The following GPM6A variants were observed in gnomAD, a reference collection of about 807,000 sequenced individuals.
GPM6A encodes neuronal membrane glycoprotein M6-a.
GPM6A carries 7 observed loss-of-function variants against 32.1 expected under a neutral mutation model. The observed-to-expected ratio is 0.22, with a 90% CI of 0.12 to 0.41. The LOEUF (loss-of-function observed/expected upper bound fraction) is 0.41, where lower values mean the gene tolerates loss of function less well. Among genes scored for constraint, GPM6A ranks in the 10% least tolerant of loss-of-function variants. The probability of loss-of-function intolerance (pLI) is 1.00; values close to 1 mark genes in which losing one functional copy is unlikely to be tolerated. For missense variants in GPM6A, 235 were observed against 347.2 expected, an observed-to-expected ratio of 0.68 and a Z score of 2.57; for synonymous variants, 130 against 123.4, an observed-to-expected ratio of 1.05 and a Z score of -0.35.
chr4:175,964,488 T>G (rs1740273113), intron 1 of GPM6A, among the ~76,000 whole-genome samples: 1 of 152,234 alleles, frequency 6.6e-6, no homozygotes, highest in Non-Finnish European at 1.5e-5. Context: ...AAGTTCAAGA[T>G]CAAAGTGCCA....
chr4:175,974,643 C>T (rs990066503), intron 1 of GPM6A, among the ~76,000 whole-genome samples: 5 of 152,058 alleles, frequency 3.3e-5, no homozygotes, highest in Non-Finnish European at 1.5e-5. Flanking sequence ...CATAAGAATC[C>T]TATTTATGTC....
intron 1 of GPM6A, among the ~76,000 whole-genome samples, chr4:175,995,122 C>T (rs1741263209): frequency 6.6e-6 from 1 of 152,124 alleles, no homozygotes; most frequent in African/African-American, 2.4e-5. Context: ...GGCTTGAGCC[C>T]CTCAAGGTTA....
At chr4:175,696,442 T>C (rs994986806) in intron 2 of GPM6A, among the ~76,000 whole-genome samples, 2 of 152,208 alleles carry the variant, frequency 1.3e-5, no homozygotes, top group African/African-American at 2.4e-5. Context: ...TTATTTCATA[T>C]TGGTGTTTTG....
chr4:176,000,548 C>T (rs1339015598), intron 1 of GPM6A, among the ~76,000 whole-genome samples: 8 of 152,180 alleles, frequency 5.3e-5, no homozygotes, highest in African/African-American at 7.2e-5. Context: ...CCAGTCCTCT[C>T]GAGCTTGAGG....
At chr4:175,918,016 C>T (rs1300359430) in intron 1 of GPM6A, among the ~76,000 whole-genome samples, 1 of 151,932 alleles carries the variant, frequency 6.6e-6, no homozygotes, top group African/African-American at 2.4e-5. Context: ...TGATAAATCC[C>T]ATCAAGATAA....
chr4:175,978,686 T>A (rs952123658), intron 1 of GPM6A, among the ~76,000 whole-genome samples: 4 of 152,200 alleles, frequency 2.6e-5, no homozygotes, highest in Admixed American at 2.6e-4. Flanking sequence ...AACCAGATAT[T>A]CAGGCTTAGC....
At chr4:175,992,236 T>C (rs899195849) in intron 1 of GPM6A, among the ~76,000 whole-genome samples, 1 of 152,172 alleles carries the variant, frequency 6.6e-6, no homozygotes, top group Non-Finnish European at 1.5e-5. Flanking sequence ...GCGTGTAGCC[T>C]AAGGAAGTCT....
intron 1 of GPM6A, among the ~76,000 whole-genome samples, chr4:175,860,807 T>A (rs1332639493): frequency 6.6e-6 from 1 of 152,222 alleles, no homozygotes; most frequent in Non-Finnish European, 1.5e-5. Flanking sequence ...TCAGCTACTA[T>A]GTTTAAGCAG....
intron 1 of GPM6A, among the ~76,000 whole-genome samples, chr4:175,774,866 T>C (rs1264463673): frequency 6.6e-6 from 1 of 152,080 alleles, no homozygotes; most frequent in African/African-American, 2.4e-5. Flanking sequence ...ATAATACTGA[T>C]GCTATATAAA....
At chr4:175,930,608 C>G (rs556308136) in intron 1 of GPM6A, among the ~76,000 whole-genome samples, 1 of 151,820 alleles carries the variant, frequency 6.6e-6, no homozygotes, top group Non-Finnish European at 1.5e-5. Context: ...TTCTTTTGAG[C>G]CTCAAAAGCT....
At chr4:175,984,868 A>G (rs1243266103) in intron 1 of GPM6A, among the ~76,000 whole-genome samples, 1 of 152,166 alleles carries the variant, frequency 6.6e-6, no homozygotes, top group African/African-American at 2.4e-5. Flanking sequence ...TTTTTTGAGT[A>G]GGCCTACATT....
chr4:175,779,382 G>A (rs115911567), intron 1 of GPM6A, among the ~76,000 whole-genome samples: 143 of 152,212 alleles, frequency 9.4e-4, no homozygotes, highest in Non-Finnish European at 1.9e-3. Flanking sequence ...GCAGATTTAC[G>A]TCATTCTTTT....
intron 1 of GPM6A, among the ~76,000 whole-genome samples, chr4:175,962,775 A>T (rs1489695495): frequency 2.0e-5 from 3 of 152,226 alleles, no homozygotes; most frequent in African/African-American, 7.2e-5. Context: ...TCCTACTTTC[A>T]ACAAAAATTG....
chr4:175,818,294 C>T (rs1215857108), intron 1 of GPM6A, among the ~76,000 whole-genome samples: 2 of 152,192 alleles, frequency 1.3e-5, no homozygotes, highest in African/African-American at 2.4e-5. Context: ...CTTCCACCCT[C>T]AGATAGCTAG....
At chr4:175,671,500 A>AAAAAAAAAAAAAAAAAAC (rs1743063606) in intron 3 of GPM6A, among the ~76,000 whole-genome samples, 1 of 149,062 alleles carries the variant, frequency 6.7e-6, no homozygotes, top group Non-Finnish European at 1.5e-5. Flanking sequence ...AAAAAAAAAA[A>AAAAAAAAAAAAAAAAAAC]AAAAAAGCAG....
intron 1 of GPM6A, among the ~76,000 whole-genome samples, chr4:175,943,133 C>G (rs1340142354): frequency 6.6e-6 from 1 of 152,092 alleles, no homozygotes; most frequent in Non-Finnish European, 1.5e-5. Context: ...ATTGTATTCT[C>G]TTTGTAGCAA....
chr4:175,778,264 T>C (rs1198182940), intron 1 of GPM6A, among the ~76,000 whole-genome samples: 7 of 152,080 alleles, frequency 4.6e-5, no homozygotes, highest in Non-Finnish European at 1.0e-4. Context: ...TAGAGTTGGG[T>C]ACTACTATTT....
Position 175,790,898 on chromosome 4 carries a change from T to C in GPM6A, c.37+21293A>G, listed in dbSNP as rs181079658. On this transcript the variant is annotated intron_variant, in intron 1 of 6. Coordinates refer to ENST00000393658, the MANE Select transcript of GPM6A (RefSeq NM_201591.3). Reference sequence around the variant, plus strand: ...TTGAAACAAATATTTAAACTAATCCTTTAGATATATAACATACAAAATGTT... The same window carrying C: ...TTGAAACAAATATTTAAACTAATCCCTTAGATATATAACATACAAAATGTT... Among the ~76,000 whole-genome samples, 168 of 152,328 alleles carry C rather than the reference T, an allele frequency of 1.1e-3. 4 individuals are homozygous for C. The highest frequency in any genetic ancestry group is 2.5e-4 in the Non-Finnish European group (17 of 68,022).
intron 1 of GPM6A, among the ~76,000 whole-genome samples, chr4:175,982,030 T>G (rs987012565): frequency 2.0e-5 from 3 of 152,212 alleles, no homozygotes; most frequent in Non-Finnish European, 4.4e-5. Context: ...TTTATGTATT[T>G]TTATGACTAT....
Sources: gnomAD v4.1 joint callset for allele counts (sites outside exome capture counted in the v4.1 genomes callset) on GRCh38, gnomAD v4.1.1 for gene constraint, MANE v1.5 for transcripts, NCBI Gene and HGNC (gene_info 2026-07-23, HGNC 2026-07-21) for gene names.